SMAD9: variants seen among roughly 807,000 people sequenced by gnomAD.
SMAD9 encodes the protein MAD homolog 9.
In SMAD9, 36 loss-of-function variants were observed where a neutral mutation model predicts 46.1. The observed-to-expected ratio is 0.78, with a 90% CI of 0.60 to 1.03. The LOEUF is 1.03. SMAD9 is among the 50% of genes least tolerant of loss of function. The probability of loss-of-function intolerance (pLI) is 0.00; values close to 1 mark genes in which losing one functional copy is unlikely to be tolerated. For synonymous variants in SMAD9, 245 were observed against 237.1 expected (o/e 1.03, Z -0.31); for missense variants, 572 against 599.8 (o/e 0.95, Z 0.48).
intron 5 of SMAD9, among the ~76,000 whole-genome samples, chr13:36,856,355 T>C (rs1279422916): frequency 6.6e-6 from 1 of 152,186 alleles, no homozygotes; most frequent in African/African-American, 2.4e-5. Context: ...CTGAGTCTGT[T>C]ATCTATCTTC....
chr13:36,864,677 CT>C (rs1371123731), intron 5 of SMAD9, among the ~76,000 whole-genome samples: 6 of 152,090 alleles, frequency 3.9e-5, no homozygotes, highest in African/African-American at 1.2e-4. Flanking sequence ...TAAACAATGG[CT>C]TTTAGGTTTA....
intron 1 of SMAD9, among the ~76,000 whole-genome samples, chr13:36,885,155 A>G (rs2058434570): frequency 6.6e-6 from 1 of 152,234 alleles, no homozygotes; most frequent in Non-Finnish European, 1.5e-5. Flanking sequence ...TCCAAGAAAC[A>G]TATTGTTATC....
At chr13:36,885,667 C>G (rs1191837499) in intron 1 of SMAD9, among the ~76,000 whole-genome samples, 1 of 151,270 alleles carries the variant, frequency 6.6e-6, no homozygotes, top group African/African-American at 2.4e-5. Context: ...GTCCACAGCA[C>G]CAAAGAAGAC....
Position 36,872,718 on chromosome 13 carries a change from C to T in SMAD9, c.610G>A (p.Ala204Thr), listed in dbSNP as rs2058306916. 6.2e-7 allele frequency: 1 copy of T among 1,613,764 alleles called. No homozygotes were observed. Among genetic ancestry groups the T allele is most frequent in the Non-Finnish European group, 8.5e-7 (1 of 1,179,998 alleles). The part of the protein sequence containing the change: ...SHAFSQSPCT[A>T]SYPHSPGSPS... ...CTTCCTGGGGAGTGAGGGTAGCTGG[C>T]CGTGCACGGGGACTGGGAGAACGCG... is the stretch of plus-strand genomic sequence containing the variant. Residue 204 changes from alanine to threonine, a missense_variant, in exon 3 of 7, where the codon GCC becomes ACC. By Grantham distance (58) the Ala-to-Thr change is moderately conservative. Coordinates refer to ENST00000379826, the MANE Select transcript of SMAD9 (RefSeq NM_001127217.3).
At chr13:36,878,688 A>G (rs914329700) in intron 2 of SMAD9, among the ~76,000 whole-genome samples, 1 of 152,188 alleles carries the variant, frequency 6.6e-6, no homozygotes. Context: ...AGTAGCAGCC[A>G]AAAACCCTGC....
chr13:36,898,981 T>C (rs1458100512), intron 1 of SMAD9, among the ~76,000 whole-genome samples: 3 of 152,104 alleles, frequency 2.0e-5, no homozygotes, highest in African/African-American at 7.2e-5. Flanking sequence ...ATTTTCTGTA[T>C]TCACAGGCAA....
chr13:36,877,328 C>T (rs769721870), intron 2 of SMAD9, among the ~76,000 whole-genome samples: 3 of 152,114 alleles, frequency 2.0e-5, no homozygotes, highest in Non-Finnish European at 4.4e-5. Flanking sequence ...CGCCACTGCA[C>T]ACCGGCCTGC....
At chr13:36,869,598 C>T (rs1027740604) in intron 3 of SMAD9, among the ~76,000 whole-genome samples, 18 of 151,796 alleles carry the variant, frequency 1.2e-4, no homozygotes, top group Admixed American at 8.5e-4. Context: ...TTTCGGAGGC[C>T]GAGGCGGGTG....
At chr13:36,902,382 A>T (rs1202781884) in intron 1 of SMAD9, among the ~76,000 whole-genome samples, 1 of 152,150 alleles carries the variant, frequency 6.6e-6, no homozygotes, top group Middle Eastern at 3.2e-3. Context: ...TTACATCAAT[A>T]CCACACTATT....
At chr13:36,889,382 C>A (rs574241770) in intron 1 of SMAD9, among the ~76,000 whole-genome samples, 2 of 152,210 alleles carry the variant, frequency 1.3e-5, no homozygotes, top group South Asian at 4.1e-4. Context: ...AGGTAGTGAC[C>A]ACCTTTCTAA....
intron 1 of SMAD9, among the ~76,000 whole-genome samples, chr13:36,918,721 TG>T (rs1326417573): frequency 6.6e-6 from 1 of 152,228 alleles, no homozygotes; most frequent in Non-Finnish European, 1.5e-5. Flanking sequence ...AGAATGTCTT[TG>T]GCTTTTATTT....
chr13:36,908,623 T>G (rs1239711058), intron 1 of SMAD9, among the ~76,000 whole-genome samples: 1 of 152,206 alleles, frequency 6.6e-6, no homozygotes, highest in African/African-American at 2.4e-5. Flanking sequence ...TATTTGAAGT[T>G]CATTTTAAAA....
intron 1 of SMAD9, among the ~76,000 whole-genome samples, chr13:36,909,285 G>A (rs1784444998): frequency 6.6e-6 from 1 of 152,178 alleles, no homozygotes; most frequent in Non-Finnish European, 1.5e-5. Context: ...TAAAGGTCAT[G>A]CCCAATAGTT....
intron 1 of SMAD9, among the ~76,000 whole-genome samples, chr13:36,919,235 C>T (rs1048965186): frequency 6.6e-6 from 1 of 152,150 alleles, no homozygotes; most frequent in Non-Finnish European, 1.5e-5. Context: ...GGAATAGTAA[C>T]GGGAAAACTT....
At chr13:36,877,530 G>A (rs948205793) in intron 2 of SMAD9, among the ~76,000 whole-genome samples, 5 of 151,970 alleles carry the variant, frequency 3.3e-5, no homozygotes, top group African/African-American at 1.2e-4. Context: ...TTTTCCATTT[G>A]GATATATTTT....
intron 1 of SMAD9, among the ~76,000 whole-genome samples, chr13:36,909,194 A>G (rs1049600145): frequency 6.6e-6 from 1 of 152,206 alleles, no homozygotes; most frequent in Non-Finnish European, 1.5e-5. Flanking sequence ...TCTTTGGAAG[A>G]CAGAACCACT....
rs568334104 is a variant in SMAD9, at chr13:36,887,606, A to G, written c.-186-7731T>C. Among the ~76,000 whole-genome samples the G allele has an allele frequency of 4.6e-5, 7 of 152,210 alleles. No homozygotes were observed. In the East Asian group the frequency reaches 1.4e-3, roughly 29 times the overall value. ...GGGAGCAAGTAGAAAACAATGTAGAAGGACAGATGAGAGAGCTGGGAGACC... is the reference window on the plus strand; with the variant it reads ...GGGAGCAAGTAGAAAACAATGTAGAGGGACAGATGAGAGAGCTGGGAGACC... On this transcript the variant is annotated intron_variant, in intron 1 of 6. Coordinates refer to ENST00000379826, the MANE Select transcript of SMAD9 (RefSeq NM_001127217.3).
chr13:36,908,073 T>C (rs539993769), intron 1 of SMAD9, among the ~76,000 whole-genome samples: 2 of 152,360 alleles, frequency 1.3e-5, no homozygotes, highest in South Asian at 4.1e-4. Context: ...CCAATTAATG[T>C]AAACATATCC....
At chr13:36,896,352 C>T (rs995189708) in intron 1 of SMAD9, among the ~76,000 whole-genome samples, 1 of 152,038 alleles carries the variant, frequency 6.6e-6, no homozygotes. Flanking sequence ...AGGCTGGTTT[C>T]GAACTCCTTG....
Sources: allele counts gnomAD v4.1 joint callset (sites outside exome capture counted in the v4.1 genomes callset), GRCh38; gene constraint gnomAD v4.1.1; transcripts MANE v1.5; gene names NCBI Gene and HGNC (gene_info 2026-07-23, HGNC 2026-07-21).